Variants in AKAP13 observed in about 807,000 individuals in gnomAD.
The protein encoded by AKAP13 is A-kinase anchor protein 13.
In AKAP13, 80 loss-of-function variants were observed where a neutral mutation model predicts 264.5. That is an observed-to-expected ratio of 0.30 (90% CI 0.25 to 0.36). The LOEUF (loss-of-function observed/expected upper bound fraction) is 0.36. Among genes scored for constraint, AKAP13 ranks in the 10% least tolerant of loss-of-function variants. The pLI, the probability that AKAP13 is intolerant of heterozygous loss-of-function variation, is 1.00. For missense variants in AKAP13, 3,712 were observed against 3,435.2 expected (o/e 1.08, Z -2.01); for synonymous variants, 1,380 against 1,250.2 (o/e 1.10, Z -2.19).
intron 34 of AKAP13, chr15:85,740,562 GT>G (rs1212319338): frequency 2.3e-6 from 1 of 438,272 alleles, no homozygotes; most frequent in Non-Finnish European, 4.1e-6. Context: ...AAAGCCTTAA[GT>G]ATGATTATAA....
chr15:85,440,104 C>T (rs888112615), intron 1 of AKAP13, among the ~76,000 whole-genome samples: 5 of 152,102 alleles, frequency 3.3e-5, no homozygotes, highest in Non-Finnish European at 7.4e-5. Flanking sequence ...TCTGTGCCCA[C>T]CCTTTATGTA....
intron 13 of AKAP13, among the ~76,000 whole-genome samples, chr15:85,669,316 G>C (rs1184907520): frequency 6.6e-6 from 1 of 152,182 alleles, no homozygotes; most frequent in East Asian, 1.9e-4. Flanking sequence ...GAAATATTTA[G>C]ATTTTCAAAG....
intron 36 of AKAP13, 187 bp downstream of exon 36, chr15:85,744,012 T>G: frequency 1.5e-6 from 1 of 654,582 alleles, no homozygotes; most frequent in Non-Finnish European, 2.5e-6. Context: ...GAACCCACTC[T>G]GTGTGGCACG....
intron 1 of AKAP13, among the ~76,000 whole-genome samples, chr15:85,400,562 T>C (rs1157782653): frequency 3.9e-5 from 6 of 152,344 alleles, no homozygotes; most frequent in Admixed American, 3.9e-4. Context: ...TTCTTGACTT[T>C]AATGTAGGCA....
At chr15:85,504,974 G>C (rs1417573113) in intron 2 of AKAP13, among the ~76,000 whole-genome samples, 2 of 151,428 alleles carry the variant, frequency 1.3e-5, no homozygotes, top group Non-Finnish European at 2.9e-5. Flanking sequence ...CTCACTCTCT[G>C]TGTGTGTGTG....
At chr15:85,411,627 CAG>C (rs1369708933) in intron 1 of AKAP13, among the ~76,000 whole-genome samples, 1 of 152,176 alleles carries the variant, frequency 6.6e-6, no homozygotes, top group Non-Finnish European at 1.5e-5. Flanking sequence ...TTCGTAGAGA[CAG>C]GGTTTCACCG....
intron 16 of AKAP13, among the ~76,000 whole-genome samples, chr15:85,692,636 C>A (rs974286225): frequency 6.6e-6 from 1 of 152,010 alleles, no homozygotes; most frequent in Non-Finnish European, 1.5e-5. Context: ...CTCCTCTTGC[C>A]GGTTTGAAAA....
chr15:85,577,680 T>G (rs1209974287), intron 6 of AKAP13: 2 of 504,996 alleles, frequency 4.0e-6, no homozygotes, highest in African/African-American at 4.2e-5. Context: ...AGATTACATA[T>G]AGTATCCATA....
Position 85,682,228 on chromosome 15 carries a change from T to C in AKAP13, c.5156+16T>C. On this transcript the variant is annotated intron_variant, in intron 15 of 36. Coordinates refer to ENST00000394518, the MANE Select transcript of AKAP13 (RefSeq NM_007200.5). ...TGACTGAGAGGTACTATAAATTTGTTACTCCTTTTTCCAGAAATAAAATGA... is the reference window on the plus strand; with the variant it reads ...TGACTGAGAGGTACTATAAATTTGTCACTCCTTTTTCCAGAAATAAAATGA... 1 of 1,610,558 alleles carries C rather than the reference T, an allele frequency of 6.2e-7. No homozygotes were observed. Among genetic ancestry groups the C allele is most frequent in the South Asian group, 1.1e-5 (1 of 90,748 alleles).
intron 5 of AKAP13, among the ~76,000 whole-genome samples, chr15:85,545,383 A>G (rs914559167): frequency 9.9e-5 from 15 of 152,262 alleles, no homozygotes; most frequent in Non-Finnish European, 2.1e-4. Flanking sequence ...AAGTGATTAC[A>G]ACAGCTTCAT....
chr15:85,430,919 C>A (rs1385800561), intron 1 of AKAP13, among the ~76,000 whole-genome samples: 3 of 152,154 alleles, frequency 2.0e-5, no homozygotes, highest in Non-Finnish European at 4.4e-5. Flanking sequence ...TCCACACATG[C>A]TTTTAGAACC....
intron 2 of AKAP13, among the ~76,000 whole-genome samples, chr15:85,489,223 T>C (rs936376692): frequency 6.6e-6 from 1 of 152,218 alleles, no homozygotes; most frequent in African/African-American, 2.4e-5. Flanking sequence ...TGTTAAGCTT[T>C]AAAAAGTTTC....
chr15:85,585,563 C>T lies in AKAP13; in HGVS notation c.4040-139C>T, dbSNP rs145917730. 2.7e-5 allele frequency: 33 copies of T among 1,217,644 alleles called. No individual in the cohort carries two copies. In the East Asian group the frequency reaches 6.4e-4, roughly 24 times the overall value. The allele number at this position is 1,217,644 out of a possible 1,614,324, so 75.4% of individuals were successfully genotyped here. The stretch of plus-strand genomic sequence containing the variant: ...GCATAGGGTCAGAAATGACACTAGC[C>T]GCTGACAACAAAAGAATACTTTTCC... On this transcript the variant is annotated intron_variant, in intron 7 of 36. Coordinates refer to ENST00000394518, the MANE Select transcript of AKAP13 (RefSeq NM_007200.5).
chr15:85,548,545 C>CTCTCTTAATGATAATACCTGT lies in AKAP13; in HGVS notation c.662+4594_662+4614dup, dbSNP rs1326284827. Among the ~76,000 whole-genome samples the CTCTCTTAATGATAATACCTGT allele has an allele frequency of 3.0e-4, 46 of 152,226 alleles. 2 individuals are homozygous for CTCTCTTAATGATAATACCTGT. The highest frequency in any genetic ancestry group is 4.6e-4 in the Admixed American group (7 of 15,290). On this transcript the variant is annotated intron_variant, in intron 5 of 36. Transcript: ENST00000394518. ...CTATCCACTGAGTCTCATGTTTCCC[C>CTCTCTTAATGATAATACCTGT]TCTCTTAATGATAATACCTGTTCTG...
chr15:85,457,539 C>A (rs1349050730), intron 1 of AKAP13, among the ~76,000 whole-genome samples: 1 of 152,154 alleles, frequency 6.6e-6, no homozygotes, highest in East Asian at 1.9e-4. Context: ...TAGCTCAGCA[C>A]CCTTGGCGAC....
At chr15:85,601,982 T>C (rs1163506271) in intron 8 of AKAP13, among the ~76,000 whole-genome samples, 1 of 152,108 alleles carries the variant, frequency 6.6e-6, no homozygotes, top group Non-Finnish European at 1.5e-5. Flanking sequence ...CTTACATCTT[T>C]CATGCATTAA....
chr15:85,705,588 A>G lies in AKAP13; in HGVS notation c.5465-2431A>G, dbSNP rs16943445. Among the ~76,000 whole-genome samples, 593 of 141,080 alleles carry G rather than the reference A, an allele frequency of 4.2e-3. 4 individuals carry two copies. Among genetic ancestry groups the G allele is most frequent in the African/African-American group, 0.015 (565 of 36,536 alleles). 92.6% of individuals were successfully genotyped at this position (141,080 alleles called of 152,430 possible). On this transcript the variant is annotated intron_variant, in intron 17 of 36. Transcript: ENST00000394518. ...AAGCAAATCCAAGGAACTTTGAACG[A>G]CATTAGAGTGTGATGATTTTTTAAA... is the stretch of plus-strand genomic sequence containing the variant.
intron 2 of AKAP13, among the ~76,000 whole-genome samples, chr15:85,486,874 G>C (rs764140703): frequency 1.3e-5 from 2 of 151,592 alleles, no homozygotes; most frequent in African/African-American, 2.4e-5. Flanking sequence ...AAGTAGCTGG[G>C]ACTATAGGTG....
intron 2 of AKAP13, among the ~76,000 whole-genome samples, chr15:85,495,746 A>G (rs927269094): frequency 2.0e-5 from 3 of 152,158 alleles, no homozygotes; most frequent in African/African-American, 4.8e-5. Flanking sequence ...TTATAAAACA[A>G]ATTTCCAGAA....
Sources: allele counts gnomAD v4.1 joint callset (sites outside exome capture counted in the v4.1 genomes callset), GRCh38; gene constraint gnomAD v4.1.1; transcripts MANE v1.5; gene names NCBI Gene and HGNC (gene_info 2026-07-23, HGNC 2026-07-21).